MACROD2: variants seen among roughly 807,000 people sequenced by gnomAD.
The protein encoded by MACROD2 is mono-ADP ribosylhydrolase 2.
In MACROD2, 36 loss-of-function variants were observed where a neutral mutation model predicts 70.4. The ratio of observed to expected loss-of-function variants is 0.51; its 90% CI spans 0.39 to 0.68. The LOEUF is 0.68. MACROD2 is among the 30% of genes least tolerant of loss of function. The probability of loss-of-function intolerance (pLI) is 0.00; values close to 1 mark genes in which losing one functional copy is unlikely to be tolerated. For missense variants in MACROD2, 496 were observed against 538.4 expected (o/e 0.92, Z 0.78); for synonymous variants, 172 against 178.8 (o/e 0.96, Z 0.30).
rs1440402037 is a variant in MACROD2 at position 15,562,968 on chromosome 20, TG to T, written c.645+63122del. ...CATGTTTGTGTAGAAACGTACAGTT[TG>T]AGCAGAATACAAAGTTATATAGGTC... On this transcript the variant is annotated intron_variant, in intron 8 of 17. Coordinates refer to ENST00000684519, the MANE Select transcript of MACROD2 (RefSeq NM_001351661.2). 1.2e-4 allele frequency among the ~76,000 whole-genome samples: 18 copies of T among 152,304 alleles called. No individual in the cohort carries two copies. The South Asian group carries it at 3.7e-3, about 32-fold the overall frequency.
chr20:15,534,869 A>G (rs536497042), intron 8 of MACROD2, among the ~76,000 whole-genome samples: 1 of 152,140 alleles, frequency 6.6e-6, no homozygotes, highest in South Asian at 2.1e-4. Flanking sequence ...ATTCTTGCCA[A>G]CTCTAACTGA....
At chr20:15,816,867 G>A (rs961497420) in intron 8 of MACROD2, among the ~76,000 whole-genome samples, 5 of 152,324 alleles carry the variant, frequency 3.3e-5, no homozygotes, top group African/African-American at 1.2e-4. Context: ...AAAACAGATA[G>A]AAACTCTGGT....
intron 5 of MACROD2, among the ~76,000 whole-genome samples, chr20:15,140,175 C>T (rs902931017): frequency 6.6e-6 from 1 of 152,092 alleles, no homozygotes; most frequent in Non-Finnish European, 1.5e-5. Context: ...TCCAGGTTTG[C>T]CCAGAAGAGT....
At chr20:15,102,443 A>T (rs1178972994) in intron 5 of MACROD2, among the ~76,000 whole-genome samples, 2 of 151,964 alleles carry the variant, frequency 1.3e-5, no homozygotes, top group African/African-American at 4.8e-5. Flanking sequence ...TCCCACATAT[A>T]TACTCTGGTA....
intron 3 of MACROD2, among the ~76,000 whole-genome samples, chr20:14,113,090 A>G (rs1313274963): frequency 6.6e-6 from 1 of 151,954 alleles, no homozygotes; most frequent in Non-Finnish European, 1.5e-5. Flanking sequence ...GGCCATTTTG[A>G]TAAGGAAAGG....
intron 5 of MACROD2, among the ~76,000 whole-genome samples, chr20:14,974,439 T>C (rs1403974504): frequency 6.6e-6 from 1 of 152,108 alleles, no homozygotes; most frequent in Non-Finnish European, 1.5e-5. Context: ...AATTGGATAT[T>C]CAAGAAGTGT....
chr20:14,250,787 AC>A (rs1262866581), intron 3 of MACROD2, among the ~76,000 whole-genome samples: 1 of 152,134 alleles, frequency 6.6e-6, no homozygotes, highest in Non-Finnish European at 1.5e-5. Context: ...AATAATGTCA[AC>A]CTTTTTGCCA....
chr20:15,185,938 C>T (rs1273136515), intron 5 of MACROD2, among the ~76,000 whole-genome samples: 2 of 152,126 alleles, frequency 1.3e-5, no homozygotes, highest in Non-Finnish European at 2.9e-5. Flanking sequence ...ATCACTCACT[C>T]ATGAGAAATG....
chr20:14,360,983 G>A (rs2122718805), intron 3 of MACROD2, among the ~76,000 whole-genome samples: 1 of 152,292 alleles, frequency 6.6e-6, no homozygotes, highest in Middle Eastern at 3.4e-3. Context: ...GAAAAGCAGG[G>A]CTTCCTAGCT....
intron 5 of MACROD2, among the ~76,000 whole-genome samples, chr20:15,225,303 T>C (rs542111944): frequency 1.2e-4 from 18 of 152,314 alleles, no homozygotes; most frequent in African/African-American, 4.3e-4. Flanking sequence ...TTAATGATCT[T>C]TACATTTTAT....
Position 15,515,332 on chromosome 20 carries a change from G to C in MACROD2, c.645+15485G>C, listed in dbSNP as rs144724815. 3.3e-5 allele frequency among the ~76,000 whole-genome samples: 5 copies of C among 152,326 alleles called. No individual in the cohort carries two copies. The East Asian group carries it at 7.7e-4, about 23-fold the overall frequency. On this transcript the variant is annotated intron_variant, in intron 8 of 17. Transcript: ENST00000684519. The stretch of plus-strand genomic sequence containing the variant: ...CCAGGAAATTTCAAAATCTCCCTGA[G>C]AGCAGGACCCTAATAGTGACTAATT...
At chr20:14,864,029 C>T (rs895225927) in intron 5 of MACROD2, among the ~76,000 whole-genome samples, 23 of 152,140 alleles carry the variant, frequency 1.5e-4, no homozygotes, top group African/African-American at 5.3e-4. Context: ...ATGATGTAGG[C>T]TATTTCCTGA....
rs184056168 is a variant in MACROD2, at chr20:15,876,732, A to G, written c.728-9032A>G. 1.4e-3 allele frequency among the ~76,000 whole-genome samples: 211 copies of G among 152,296 alleles called. 1 individual carries two copies. The highest frequency in any genetic ancestry group is 4.7e-3 in the African/African-American group (194 of 41,568). Reference sequence around the variant, plus strand: ...TGAACTAGTTTACAGTCCCACCAACAGTGTAAAAGCGTTCCTATTTCTCCA... The same window carrying G: ...TGAACTAGTTTACAGTCCCACCAACGGTGTAAAAGCGTTCCTATTTCTCCA... On this transcript the variant is annotated intron_variant, in intron 9 of 17. Coordinates refer to ENST00000684519, the MANE Select transcript of MACROD2 (RefSeq NM_001351661.2).
At chr20:15,431,372 A>G in intron 6 of MACROD2, 33 bp from the exon 7 acceptor site, 1 of 1,594,940 alleles carries the variant, frequency 6.3e-7, no homozygotes. Flanking sequence ...TGTTTCTTTA[A>G]TATTCATTGT....
At chr20:15,345,830 G>A (rs1030791516) in intron 6 of MACROD2, among the ~76,000 whole-genome samples, 5 of 152,168 alleles carry the variant, frequency 3.3e-5, no homozygotes, top group African/African-American at 4.8e-5. Context: ...TTGCTGCTCA[G>A]AAGACAGTGC....
chr20:15,279,182 G>C lies in MACROD2; in HGVS notation c.540+49121G>C, dbSNP rs542976572. On this transcript the variant is annotated intron_variant, in intron 6 of 17. Transcript: ENST00000684519. ...GTGTTGTTAATGGCTTACATATGGG[G>C]CTTCTTGCAGGGTGTAGGAAACTTC... Among the ~76,000 whole-genome samples the C allele has an allele frequency of 5.3e-5, 8 of 152,180 alleles. No homozygotes were observed. The East Asian group carries it at 1.3e-3, about 26-fold the overall frequency.
At chr20:15,171,131 T>C (rs1220208012) in intron 5 of MACROD2, among the ~76,000 whole-genome samples, 1 of 152,128 alleles carries the variant, frequency 6.6e-6, no homozygotes, top group African/African-American at 2.4e-5. Context: ...AGAATCTTCT[T>C]CCCAAATCAC....
chr20:14,797,522 A>G (rs775522638), intron 5 of MACROD2, among the ~76,000 whole-genome samples: 3 of 151,818 alleles, frequency 2.0e-5, no homozygotes, highest in South Asian at 2.1e-4. Context: ...CTGCTGTCCC[A>G]TCTGCTAAGG....
In MACROD2 at chr20:15,427,161, T is replaced by C. The variant is rs79259296; in HGVS notation, c.541-4244T>C. ...CCATCTCTGCTTTATCATTGCCTTT[T>C]TGTTTGAATTAATGCAATAATATTA... is the stretch of plus-strand genomic sequence containing the variant. On this transcript the variant is annotated intron_variant, in intron 6 of 17. Coordinates refer to ENST00000684519, the MANE Select transcript of MACROD2 (RefSeq NM_001351661.2). Among the ~76,000 whole-genome samples, 490 of 152,348 alleles carry C rather than the reference T, an allele frequency of 3.2e-3. 16 individuals carry two copies. The East Asian group carries it at 0.077, about 24-fold the overall frequency.
Sources: allele counts gnomAD v4.1 joint callset (sites outside exome capture counted in the v4.1 genomes callset), GRCh38; gene constraint gnomAD v4.1.1; transcripts MANE v1.5; gene names NCBI Gene and HGNC (gene_info 2026-07-23, HGNC 2026-07-21).